The following QSER1 variants were observed in gnomAD, a reference collection of about 807,000 sequenced individuals.
QSER1 encodes glutamine and serine-rich protein 1.
Under a neutral mutation model 158.5 loss-of-function variants are expected in QSER1, and 49 were observed. That is an observed-to-expected ratio of 0.31 (90% CI 0.25 to 0.39). The LOEUF (loss-of-function observed/expected upper bound fraction) is 0.39. Ranked by LOEUF, QSER1 falls within the 10% of genes least tolerant of loss-of-function variation. The probability of loss-of-function intolerance (pLI) is 1.00; values close to 1 mark genes in which losing one functional copy is unlikely to be tolerated. For missense variants in QSER1, 1,754 were observed against 2,010.3 expected, an observed-to-expected ratio of 0.87 and a Z score of 2.44; for synonymous variants, 650 against 715.5, an observed-to-expected ratio of 0.91 and a Z score of 1.46.
At chr11:32,945,378 T>C (rs1381062385) in intron 4 of QSER1, among the ~76,000 whole-genome samples, 3 of 151,810 alleles carry the variant, frequency 2.0e-5, no homozygotes, top group African/African-American at 4.8e-5. Flanking sequence ...CTGGTACCGG[T>C]TGTTCCTTTC....
At chr11:32,962,742 C>T (rs1448487117) in intron 8 of QSER1, among the ~76,000 whole-genome samples, 1 of 152,180 alleles carries the variant, frequency 6.6e-6, no homozygotes, top group Non-Finnish European at 1.5e-5. Context: ...GAAGCTCAGA[C>T]TCACAGTGGG....
At chr11:32,954,810 C>T (rs1852484059) in intron 5 of QSER1, among the ~76,000 whole-genome samples, 1 of 152,104 alleles carries the variant, frequency 6.6e-6, no homozygotes, top group Non-Finnish European at 1.5e-5. Flanking sequence ...ATGTAATCCT[C>T]ATGCAGTGGC....
intron 1 of QSER1, among the ~76,000 whole-genome samples, chr11:32,917,698 G>A (rs549494783): frequency 5.3e-5 from 8 of 151,604 alleles, no homozygotes; most frequent in Admixed American, 2.0e-4. Flanking sequence ...TGGTGGCACC[G>A]GCCTATAGTC....
intron 8 of QSER1, among the ~76,000 whole-genome samples, chr11:32,965,970 C>CACACAA (rs1852737864): frequency 6.6e-6 from 1 of 151,286 alleles, no homozygotes. Flanking sequence ...CACACACACA[C>CACACAA]ACACACACAC....
chr11:32,942,447 A>G (rs944785081), intron 4 of QSER1, among the ~76,000 whole-genome samples: 3 of 147,948 alleles, frequency 2.0e-5, no homozygotes, highest in Non-Finnish European at 4.5e-5. Context: ...AGCTTTCTAC[A>G]TATGGCTAGC....
chr11:32,917,835 A>AAC (rs1554925360), intron 1 of QSER1, among the ~76,000 whole-genome samples: 1 of 150,904 alleles, frequency 6.6e-6, no homozygotes, highest in Non-Finnish European at 1.5e-5. Flanking sequence ...AAAAAAAAAA[A>AAC]AAAAAAAAAC....
chr11:32,904,192 T>A (rs1266533898), intron 1 of QSER1, among the ~76,000 whole-genome samples: 1 of 150,106 alleles, frequency 6.7e-6, no homozygotes, highest in African/African-American at 2.5e-5. Flanking sequence ...TCTTTTTCTT[T>A]TTTTTTTTTT....
At chr11:32,897,255 T>C (rs1038008071) in intron 1 of QSER1, among the ~76,000 whole-genome samples, 25 of 152,200 alleles carry the variant, frequency 1.6e-4, no homozygotes, top group African/African-American at 5.5e-4. Context: ...TACAGCTACA[T>C]AGCTAGTAAA....
intron 1 of QSER1, chr11:32,926,268 A>G (rs575863225): frequency 6.6e-6 from 1 of 152,280 alleles, no homozygotes; most frequent in South Asian, 2.1e-4. Flanking sequence ...AAACTTTTAG[A>G]TGTTTGGCAA....
intron 11 of QSER1, among the ~76,000 whole-genome samples, chr11:32,973,980 T>C: frequency 6.6e-6 from 1 of 152,216 alleles, no homozygotes; most frequent in South Asian, 2.1e-4. Context: ...GATAAGTAAG[T>C]GTGCAGAACA....
rs907602281 is a variant in QSER1 at position 32,931,837 on chromosome 11, C to T, written c.579C>T (p.Pro193=). ...LPPSLSAYQH[P]TTFSNRNFAT... ...CATCTCTCTCTGCTTATCAGCATCC[C>T]ACCACCTTCAGCAATAGAAACTTTG... is the stretch of plus-strand genomic sequence containing the variant. Residue 193 remains proline, a synonymous_variant, in exon 4 of 13, where the codon CCC becomes CCT. Coordinates refer to ENST00000650167, the MANE Select transcript of QSER1 (RefSeq NM_001076786.3). 12 of 1,614,194 alleles carry T rather than the reference C, an allele frequency of 7.4e-6. No homozygotes were observed. Among genetic ancestry groups the T allele is most frequent in the Non-Finnish European group, 1.0e-5 (12 of 1,180,024 alleles).
intron 3 of QSER1, among the ~76,000 whole-genome samples, chr11:32,931,412 C>T (rs937667543): frequency 3.3e-5 from 5 of 151,934 alleles, no homozygotes; most frequent in African/African-American, 9.7e-5. Context: ...GACCCCATCT[C>T]TACAAAAATT....
chr11:32,935,545 G>A (rs2133553651), intron 4 of QSER1, 110 bp downstream of exon 4: 1 of 785,824 alleles, frequency 1.3e-6, no homozygotes, highest in Non-Finnish European at 2.0e-6. Flanking sequence ...TACATTTTCA[G>A]GACAAAATGT....
intron 1 of QSER1, among the ~76,000 whole-genome samples, chr11:32,901,680 G>A (rs971835717): frequency 1.6e-4 from 25 of 152,198 alleles, no homozygotes; most frequent in African/African-American, 6.0e-4. Flanking sequence ...CTACACAAAG[G>A]TGTGGTTCAT....
intron 4 of QSER1, among the ~76,000 whole-genome samples, chr11:32,951,199 C>A (rs992158914): frequency 6.6e-6 from 1 of 152,140 alleles, no homozygotes; most frequent in Non-Finnish European, 1.5e-5. Flanking sequence ...ACTATTCTTT[C>A]TCTATTGAAT....
chr11:32,958,541 A>G (rs1403976124), intron 8 of QSER1, among the ~76,000 whole-genome samples: 2 of 152,138 alleles, frequency 1.3e-5, no homozygotes, highest in African/African-American at 4.8e-5. Flanking sequence ...GTGCACCACC[A>G]TGCCCAGCTA....
intron 1 of QSER1, among the ~76,000 whole-genome samples, chr11:32,924,191 T>C (rs999349662): frequency 6.6e-6 from 1 of 152,058 alleles, no homozygotes; most frequent in African/African-American, 2.4e-5. Context: ...TGAAGATTTC[T>C]TAGGACACCA....
Position 32,935,167 on chromosome 11 carries a change from C to G in QSER1, c.3909C>G (p.Asn1303Lys). Reference sequence around the variant, plus strand: ...CCACTCTTGCTGTACGAATGCCTAACAGGACTAGACGGCCAGGGACCCAGA... The same window carrying G: ...CCACTCTTGCTGTACGAATGCCTAAGAGGACTAGACGGCCAGGGACCCAGA... Reference protein sequence around the residue: ...QFSTLAVRMPNRTRRPGTQMV... With the variant: ...QFSTLAVRMPKRTRRPGTQMV... The change falls in exon 4 of 13, where the codon AAC becomes AAG. Residue 1303 changes from asparagine (N) to lysine (K), a missense_variant. Asn to Lys is a moderately conservative substitution (Grantham distance 94). Coordinates refer to ENST00000650167, the MANE Select transcript of QSER1 (RefSeq NM_001076786.3). 1 of 1,614,104 alleles carries G rather than the reference C, an allele frequency of 6.2e-7. No individual in the cohort carries two copies.
chr11:32,922,316 A>G (rs576299888), intron 1 of QSER1, among the ~76,000 whole-genome samples: 1 of 152,304 alleles, frequency 6.6e-6, no homozygotes, highest in African/African-American at 2.4e-5. Context: ...TTTGCAAAAC[A>G]TAACTGGCCA....
Sources: allele counts gnomAD v4.1 joint callset (sites outside exome capture counted in the v4.1 genomes callset), GRCh38; gene constraint gnomAD v4.1.1; transcripts MANE v1.5; gene names NCBI Gene and HGNC (gene_info 2026-07-23, HGNC 2026-07-21).